The following PIDD1 variants were observed in gnomAD, a reference collection of about 807,000 sequenced individuals.
PIDD1 encodes the protein p53-induced death domain-containing protein 1.
PIDD1 carries 72 observed loss-of-function variants against 80.0 expected under a neutral mutation model. That is an observed-to-expected ratio of 0.90 (90% CI 0.74 to 1.09). The LOEUF (loss-of-function observed/expected upper bound fraction) is 1.09, where lower values mean the gene tolerates loss of function less well. Among genes scored for constraint, PIDD1 ranks in the 50% least tolerant of loss-of-function variants. The pLI is 0.00. For missense variants in PIDD1, 1,329 were observed against 1,228.3 expected, an observed-to-expected ratio of 1.08 and a Z score of -1.23; for synonymous variants, 655 against 543.5, an observed-to-expected ratio of 1.21 and a Z score of -2.85.
chr11:808,769 G>A (rs1865909528), upstream of PIDD1, among the ~76,000 whole-genome samples: 2 of 152,224 alleles, frequency 1.3e-5, no homozygotes, highest in South Asian at 4.1e-4. Context: ...GTGTGACCCT[G>A]AGCAAAAAAA....
rs751662200 is a variant in PIDD1, at chr11:802,290, G to A, written c.1081C>T (p.Leu361=). 4 of 1,611,600 alleles carry A rather than the reference G, an allele frequency of 2.5e-6. No homozygotes were observed. In the South Asian group the frequency reaches 3.3e-5, roughly 13 times the overall value. ...ATPITIRYRL[L]LPEPGLVPLG... ...GGGACGAGGCCTGGCTCCGGCAGCA[G>A]CAGCCGATAGCGGATGGTGATGGGG... Residue 361 remains leucine, a synonymous_variant, in exon 6 of 16, where the codon CTG becomes TTG. Transcript: ENST00000347755.
rs767852155 is a variant in PIDD1 at position 799,983 on chromosome 11, C to A, written c.2306G>T (p.Gly769Val). 2 of 1,612,726 alleles carry A rather than the reference C, an allele frequency of 1.2e-6. No homozygotes were observed. Among genetic ancestry groups the A allele is most frequent in the Admixed American group, 3.3e-5 (2 of 60,002 alleles). Residue 769 changes from glycine (G) to valine (V), a missense_variant, in exon 15 of 16, where the codon GGG becomes GTG. Transcript: ENST00000347755. ...RLRGSEGPRR[G>V]AGLSLAPLNL... ...CAAGGGTGCCAAGGAGAGGCCAGCC[C>A]CCCGCCGTGGCCCCTCGGACCCTCG... is the stretch of plus-strand genomic sequence containing the variant.
upstream of PIDD1, among the ~76,000 whole-genome samples, chr11:809,094 G>T (rs144456799): frequency 3.2e-3 from 482 of 152,274 alleles, 5 homozygotes; most frequent in African/African-American, 0.011. Flanking sequence ...TTCACCTCCT[G>T]CGTCCTCGCA....
upstream of PIDD1, among the ~76,000 whole-genome samples, chr11:807,552 T>C (rs1865841152): frequency 6.7e-6 from 1 of 148,902 alleles, no homozygotes; most frequent in African/African-American, 2.5e-5. Context: ...CCGAGGAGGG[T>C]AGATCACGAG....
upstream of PIDD1, among the ~76,000 whole-genome samples, chr11:806,570 G>A (rs1443698290): frequency 1.3e-5 from 2 of 150,952 alleles, no homozygotes; most frequent in Non-Finnish European, 2.9e-5. Context: ...TCCATGTAGG[G>A]CCTGGAGGGA....
In PIDD1 at chr11:803,300, T is replaced by A. The variant is rs1299728719; in HGVS notation, c.583A>T (p.Thr195Ser). 1 of 1,613,160 alleles carries A rather than the reference T, an allele frequency of 6.2e-7. No individual in the cohort carries two copies. Residue 195 changes from threonine (T) to serine (S), a missense_variant, in exon 3 of 16, where the codon ACC becomes TCC. Coordinates refer to ENST00000347755, the MANE Select transcript of PIDD1 (RefSeq NM_145886.4). ...TGAGAGAGATCGAGGCGCTGCAGGG[T>A]GGATAGGGCCCCCAGTGCTGGGGGC... ...TLPPALGALS[T>S]LQRLDLSQNL... is the part of the protein sequence containing the mutation.
upstream of PIDD1, chr11:805,599 C>T (rs1327210299): frequency 7.1e-6 from 7 of 984,472 alleles, no homozygotes; most frequent in African/African-American, 1.2e-4. Flanking sequence ...GTACTCTTGC[C>T]GCTGCCCCGC....
In PIDD1 at chr11:802,909, C is replaced by T; in HGVS notation, c.710-18G>A. ...AAGTCCCGCTGCGGGCAGTTGCTGG[C>T]TTAGGCTTGGCACCAGCCCAGCCCA... On this transcript the variant is annotated intron_variant, in intron 3 of 15. Transcript: ENST00000347755. The T allele has an allele frequency of 6.5e-7, 1 of 1,548,360 alleles. No individual in the cohort carries two copies. The highest frequency in any genetic ancestry group is 1.2e-5 in the South Asian group (1 of 84,308).
At chr11:805,096 C>A (rs917237713) in intron 1 of PIDD1, 83 bp downstream of exon 1, 3 of 520,216 alleles carry the variant, frequency 5.8e-6, no homozygotes, top group African/African-American at 4.1e-5. Flanking sequence ...ATCCCCCGGG[C>A]GTCGGGGATG....
chr11:805,766 A>G (rs955423997), upstream of PIDD1: 12 of 788,064 alleles, frequency 1.5e-5, no homozygotes, highest in African/African-American at 2.3e-4. Context: ...GCCTCCTGGC[A>G]CTGTCTCCTT....
In PIDD1 at chr11:799,535, C is replaced by T; in HGVS notation, c.2505G>A (p.Met835Ile). Reference protein sequence around the residue: ...RDDLDEQIRHMLFSWAERQAG... With the variant: ...RDDLDEQIRHILFSWAERQAG... ...CCTGGCGCTCAGCCCAGGAGAAGAG[C>T]ATGTGACGGATCTGCTCATCCAGAT... The change falls in exon 16 of 16, where the codon ATG (methionine) becomes ATA (isoleucine). Residue 835 changes from methionine to isoleucine, a missense_variant. Physicochemically the swap from Met to Ile is conservative, Grantham distance 10. Transcript: ENST00000347755. 6.2e-7 allele frequency: 1 copy of T among 1,603,322 alleles called. No individual in the cohort carries two copies. The highest frequency in any genetic ancestry group is 1.1e-5 in the South Asian group (1 of 91,002).
rs115365647 is a variant in PIDD1, at chr11:801,258, T to C, written c.1590A>G (p.Gln530=). ...LSQSGPPSFL[Q]PVTVQLPLPS... ...GCAGAGGCAGCTGCACGGTGACCGG[T>C]TGGAGGAAGCTGGGGGGACCGCTCT... Residue 530 remains glutamine, a synonymous_variant, in exon 9 of 16, where the codon CAA becomes CAG. Transcript: ENST00000347755. 2.4e-3 allele frequency: 3,771 copies of C among 1,571,814 alleles called. 97 individuals are homozygous for C. The African/African-American group carries it at 0.046, about 19-fold the overall frequency.
rs1349063969 is a variant in PIDD1 at position 802,739 on chromosome 11, C to T, written c.862G>A (p.Val288Met). Residue 288 changes from valine (V) to methionine (M), a missense_variant, in exon 4 of 16, where the codon GTG (valine) becomes ATG (methionine). Coordinates refer to ENST00000347755, the MANE Select transcript of PIDD1 (RefSeq NM_145886.4). ...CCCAGGGGGTTCCCCTGCAGGCGCA[C>T]AAAGGGGGCGTCTAGCAGCTCAGGG... ...LPPELLDAPF[V>M]RLQGNPLGEA... 1.9e-6 allele frequency: 3 copies of T among 1,611,544 alleles called. No homozygotes were observed. The highest frequency in any genetic ancestry group is 2.2e-5 in the South Asian group (2 of 90,732).
In PIDD1 at chr11:800,761, C is replaced by T. The variant is rs1343156504; in HGVS notation, c.1917+1G>A. On this transcript the variant is annotated splice_donor_variant, in intron 11 of 15. Coordinates refer to ENST00000347755, the MANE Select transcript of PIDD1 (RefSeq NM_145886.4). LOFTEE classifies it high-confidence loss of function. ...TGCTGCCCTCCGGCCCGTGCCCCCA[C>T]CTTGTTTCGGGGCAGGCACTGCAGC... The T allele has an allele frequency of 1.3e-6, 2 of 1,547,490 alleles. No homozygotes were observed. The highest frequency in any genetic ancestry group is 2.4e-5 in the South Asian group (2 of 84,714).
chr11:805,646 C>T (rs949827050), upstream of PIDD1: 16 of 985,550 alleles, frequency 1.6e-5, no homozygotes, highest in Non-Finnish European at 1.9e-5. Flanking sequence ...ATTGCAGTGT[C>T]CTTTCCAAAC....
chr11:800,370 G>A lies in PIDD1; in HGVS notation c.2123C>T (p.Thr708Ile). ...AGCCTGAGCCTCCCGGTCCAGAGTGGTGGTCACGTATACCTCCTTCACATT... is the reference window on the plus strand; with the variant it reads ...AGCCTGAGCCTCCCGGTCCAGAGTGATGGTCACGTATACCTCCTTCACATT... ...LKNVKEVYVT[T>I]TLDREAQAVR... is the part of the protein sequence containing the mutation. The change falls in exon 13 of 16, where the codon ACC (threonine) becomes ATC (isoleucine). Residue 708 changes from threonine to isoleucine, a missense_variant. Transcript: ENST00000347755. The A allele has an allele frequency of 6.2e-7, 1 of 1,609,654 alleles. No individual in the cohort carries two copies. The highest frequency in any genetic ancestry group is 8.5e-7 in the Non-Finnish European group (1 of 1,178,234).
chr11:805,331 A>T, upstream of PIDD1: 1 of 607,838 alleles, frequency 1.6e-6, no homozygotes, highest in Non-Finnish European at 2.1e-6. Flanking sequence ...GCTGGGGTCC[A>T]CGGGGGAGGT....
At position 799,585 on chromosome 11, in the gene PIDD1, GAC is replaced by G; in HGVS notation, c.2475-22_2475-21del. On this transcript the variant is annotated intron_variant, in intron 15 of 15. Transcript: ENST00000347755. ...TCATCCCTGCAGGCAGAGGATGGGC[GAC>G]AGAGGGGTCCTGTCCACCTGCCCAG... The G allele has an allele frequency of 6.3e-7, 1 of 1,578,244 alleles. No homozygotes were observed. The highest frequency in any genetic ancestry group is 8.6e-7 in the Non-Finnish European group (1 of 1,166,208).
chr11:806,206 AC>A (rs1565073220), upstream of PIDD1: 1 of 151,964 alleles, frequency 6.6e-6, no homozygotes, highest in Admixed American at 6.6e-5. Context: ...CCAACATGAT[AC>A]CCCCGAGCGG....
Sources: gnomAD v4.1 joint callset for allele counts (sites outside exome capture counted in the v4.1 genomes callset) on GRCh38, gnomAD v4.1.1 for gene constraint, MANE v1.5 for transcripts, NCBI Gene and HGNC (gene_info 2026-07-23, HGNC 2026-07-21) for gene names.